The following NEU4 variants were observed in gnomAD, a reference collection of about 807,000 sequenced individuals.
NEU4 encodes the protein neuraminidase 4.
In NEU4, 7 loss-of-function variants were observed where a neutral mutation model predicts 9.9. That is an observed-to-expected ratio of 0.71 (90% confidence interval 0.40 to 1.33). The LOEUF is 1.33. Among genes scored for constraint, NEU4 ranks in the 40% most tolerant of loss-of-function variants. The probability of loss-of-function intolerance (pLI) is 0.01; values close to 1 mark genes in which losing one functional copy is unlikely to be tolerated. For synonymous variants in NEU4, 348 were observed against 316.9 expected (o/e 1.10, Z -1.04); for missense variants, 717 against 712.6 (o/e 1.01, Z -0.07).
chr2:241,815,986 C>G, intron 3 of NEU4, 65 bp from the exon 4 acceptor site: 1 of 1,469,218 alleles, frequency 6.8e-7, no homozygotes. Flanking sequence ...CCCCCTGTGC[C>G]TTCCTCCAGC....
At chr2:241,811,415 C>A in intron 1 of NEU4, 1 of 1,553,816 alleles carries the variant, frequency 6.4e-7, no homozygotes, top group Non-Finnish European at 8.8e-7. Flanking sequence ...CTGGGTCAGG[C>A]GAGGCAGCCA....
At position 241,815,028 on chromosome 2, in the gene NEU4, T is replaced by C. The variant is rs1360552590; in HGVS notation, c.338T>C (p.Val113Ala). The C allele has an allele frequency of 6.2e-7, 1 of 1,601,664 alleles. No homozygotes were observed. The highest frequency in any genetic ancestry group is 1.3e-5 in the African/African-American group (1 of 74,962). Reference sequence around the variant, plus strand: ...GTGCTGGGCCACACGCCTGAGGCCGTGCAGATCGCCACGGGAAGGAACGCC... The same window carrying C: ...GTGCTGGGCCACACGCCTGAGGCCGCGCAGATCGCCACGGGAAGGAACGCC... ...IAVLGHTPEA[V>A]QIATGRNAAR... The change falls in exon 3 of 4, where the codon GTG becomes GCG. Residue 113 changes from valine (V) to alanine (A), a missense_variant. Val to Ala is a moderately conservative substitution (Grantham distance 64). Transcript: ENST00000407683.
At chr2:241,811,359 C>A in intron 1 of NEU4, 5 of 1,461,002 alleles carry the variant, frequency 3.4e-6, no homozygotes, top group Non-Finnish European at 4.6e-6. Context: ...TGAGACGTGG[C>A]CAGCTCCCTG....
chr2:241,814,880 T>G lies in NEU4; in HGVS notation c.202-12T>G. 6.3e-7 allele frequency: 1 copy of G among 1,598,840 alleles called. No homozygotes were observed. The highest frequency in any genetic ancestry group is 8.5e-7 in the Non-Finnish European group (1 of 1,170,090). ...GGACGTCCTGGTCAGCGGAACTTCCTCCTCTGGGCAGTGGGGTGCCCTGCA... is the reference window on the plus strand; with the variant it reads ...GGACGTCCTGGTCAGCGGAACTTCCGCCTCTGGGCAGTGGGGTGCCCTGCA... On this transcript the variant is annotated splice_polypyrimidine_tract_variant and intron_variant, in intron 2 of 3. Transcript: ENST00000407683.
At chr2:241,811,082 G>A in intron 1 of NEU4, 1 of 1,158,594 alleles carries the variant, frequency 8.6e-7, no homozygotes, top group Non-Finnish European at 1.1e-6. Context: ...TCCTGGCAGG[G>A]CCGCGTCTCT....
chr2:241,810,815 TG>T (rs1700090776), intron 1 of NEU4: 1 of 415,254 alleles, frequency 2.4e-6, no homozygotes, highest in Non-Finnish European at 3.2e-6. Context: ...TGAATGGGAC[TG>T]GCAGGAGTCC....
rs773964832 is a variant in NEU4 at position 241,816,455 on chromosome 2, C to T, written c.862C>T (p.Pro288Ser). The T allele has an allele frequency of 3.3e-5, 53 of 1,609,204 alleles. 1 individual carries two copies. In the South Asian group the frequency reaches 4.1e-4, roughly 12 times the overall value. Residue 288 changes from proline to serine, a missense_variant, in exon 4 of 4, where the codon CCC (proline) becomes TCC (serine). By Grantham distance (74) the Pro-to-Ser change is moderately conservative (BLOSUM62 -1). Coordinates refer to ENST00000407683, the MANE Select transcript of NEU4 (RefSeq NM_001167600.3). ...GSIVGFPAPA[P>S]NRPRDDSWSV... is the part of the protein sequence containing the mutation. ...CATCGTGGGCTTCCCAGCCCCCGCC[C>T]CCAACAGGCCACGGGATGACAGTTG...
intron 1 of NEU4, among the ~76,000 whole-genome samples, chr2:241,810,094 C>G (rs1025806869): frequency 2.0e-5 from 3 of 152,282 alleles, no homozygotes; most frequent in Admixed American, 6.5e-5. Flanking sequence ...GTTGTCCCTT[C>G]CCACCCACCT....
rs563013815 is a variant in NEU4 at position 241,811,184 on chromosome 2, G to C, written c.-4+1910G>C. The C allele has an allele frequency of 2.0e-5, 25 of 1,230,960 alleles. 1 individual carries two copies. The South Asian group carries it at 1.0e-3, about 51-fold the overall frequency. 76.3% of individuals were successfully genotyped at this position (1,230,960 alleles called of 1,614,324 possible). ...AGCCCTTGTTGGAGGGCGCACCCCC[G>C]TGTCCTCAGCACCCCAGTGTTGAGT... On this transcript the variant is annotated intron_variant, in intron 1 of 3. Coordinates refer to ENST00000407683, the MANE Select transcript of NEU4 (RefSeq NM_001167600.3).
At chr2:241,814,299 T>C (rs1358834009) in intron 1 of NEU4, 183 bp from the exon 2 acceptor site, 1 of 629,074 alleles carries the variant, frequency 1.6e-6, no homozygotes, top group African/African-American at 1.8e-5. Context: ...GGGGAGGGGC[T>C]GCTCCAGATC....
rs1322619466 is a variant in NEU4, at chr2:241,815,549, G to A, written c.457+402G>A. On this transcript the variant is annotated intron_variant, in intron 3 of 3. Transcript: ENST00000407683. The stretch of plus-strand genomic sequence containing the variant: ...AATCTCTTTATCTGCAGAGGAGAAG[G>A]CTGGACGCTGAGGTGTCTCTCAGCT... 9.9e-6 allele frequency: 5 copies of A among 506,342 alleles called. No homozygotes were observed. The East Asian group carries it at 2.5e-4, about 25-fold the overall frequency. 31.4% of individuals were successfully genotyped at this position (506,342 alleles called of 1,614,324 possible). A position where few individuals can be genotyped will look rare whatever the true frequency, so the allele number is the denominator to read the frequency against.
chr2:241,809,466 C>A (rs897184364), intron 1 of NEU4, 192 bp downstream of exon 1: 2 of 356,724 alleles, frequency 5.6e-6, no homozygotes, highest in East Asian at 1.6e-4. Context: ...GGAGGGGGCA[C>A]GTCCCAGCCT....
Position 241,816,593 on chromosome 2 carries a change from T to C in NEU4, c.1000T>C (p.Phe334Leu), listed in dbSNP as rs1700353158. ...PRGGQVPGGPFSRLQPRGDGP... is the reference protein window; with the variant it reads ...PRGGQVPGGPLSRLQPRGDGP... ...TGGAGGCCAGGTGCCTGGTGGGCCC[T>C]TCAGCCGTCTGCAGCCTCGGGGGGA... is the stretch of plus-strand genomic sequence containing the variant. The change falls in exon 4 of 4, where the codon TTC (phenylalanine) becomes CTC (leucine). Residue 334 changes from phenylalanine to leucine, a missense_variant. Physicochemically the swap from Phe to Leu is conservative, Grantham distance 22. Transcript: ENST00000407683. 1.3e-6 allele frequency: 2 copies of C among 1,596,394 alleles called. No individual in the cohort carries two copies. The highest frequency in any genetic ancestry group is 2.7e-5 in the African/African-American group (2 of 74,442).
chr2:241,816,336 G>A lies in NEU4; in HGVS notation c.743G>A (p.Arg248His), dbSNP rs779466444. ...AATGCCCGGAGCCCACTGGGCAGCC[G>A]TGTGCAGGCGCTCAGCACTGACGAG... Reference protein sequence around the residue: ...YCNARSPLGSRVQALSTDEGT... With the variant: ...YCNARSPLGSHVQALSTDEGT... Residue 248 changes from arginine to histidine, a missense_variant, in exon 4 of 4, where the codon CGT becomes CAT. Physicochemically the swap from Arg to His is conservative, Grantham distance 29. Coordinates refer to ENST00000407683, the MANE Select transcript of NEU4 (RefSeq NM_001167600.3). 1.1e-5 allele frequency: 18 copies of A among 1,579,584 alleles called. No homozygotes were observed. In the East Asian group the frequency reaches 1.4e-4, roughly 12 times the overall value.
At chr2:241,811,421 A>C in intron 1 of NEU4, 2 of 1,557,562 alleles carry the variant, frequency 1.3e-6, no homozygotes, top group Non-Finnish European at 1.7e-6. Flanking sequence ...CAGGCGAGGC[A>C]GCCACCCATG....
rs773964832 is a variant in NEU4 at position 241,816,455 on chromosome 2, C to G, written c.862C>G (p.Pro288Ala). The change falls in exon 4 of 4, where the codon CCC becomes GCC. Residue 288 changes from proline to alanine, a missense_variant. Pro to Ala is a conservative substitution (Grantham distance 27). Transcript: ENST00000407683. ...GSIVGFPAPA[P>A]NRPRDDSWSV... ...CATCGTGGGCTTCCCAGCCCCCGCC[C>G]CCAACAGGCCACGGGATGACAGTTG... is the stretch of plus-strand genomic sequence containing the variant. The G allele has an allele frequency of 1.2e-6, 2 of 1,609,204 alleles. No individual in the cohort carries two copies. The highest frequency in any genetic ancestry group is 1.7e-6 in the Non-Finnish European group (2 of 1,178,970).
chr2:241,815,655 C>A (rs1700300873), intron 3 of NEU4: 2 of 521,042 alleles, frequency 3.8e-6, no homozygotes, highest in South Asian at 3.5e-5. Flanking sequence ...CTGGCCAGGC[C>A]TCACCCACAA....
At chr2:241,810,634 G>C (rs1700082792) in intron 1 of NEU4, 1 of 153,204 alleles carries the variant, frequency 6.5e-6, no homozygotes, top group Non-Finnish European at 1.5e-5. Context: ...ATTCTGGCCT[G>C]GGCAGTGGTC....
intron 1 of NEU4, chr2:241,813,517 G>A (rs1338723572): frequency 2.5e-6 from 3 of 1,221,138 alleles, no homozygotes; most frequent in Non-Finnish European, 3.2e-6. Flanking sequence ...CCCCCAGGCA[G>A]GTCCCGCCTG....
Sources: gnomAD v4.1 joint callset for allele counts (sites outside exome capture counted in the v4.1 genomes callset) on GRCh38, gnomAD v4.1.1 for gene constraint, MANE v1.5 for transcripts, NCBI Gene and HGNC (gene_info 2026-07-23, HGNC 2026-07-21) for gene names.